Variants in NEMP2 observed in about 807,000 individuals in gnomAD.
NEMP2 encodes the protein nuclear envelope integral membrane protein 2, also known as UPF0571 transmembrane protein.
Under a neutral mutation model 54.2 loss-of-function variants are expected in NEMP2, and 53 were observed. The ratio of observed to expected loss-of-function variants is 0.98; its 90% CI spans 0.78 to 1.23. NEMP2 has a LOEUF of 1.23. Ranked by LOEUF, NEMP2 falls within the 50% of genes most tolerant of loss-of-function variation. The pLI is 0.00. For synonymous variants in NEMP2, 197 were observed against 190.3 expected (o/e 1.04, Z -0.29); for missense variants, 455 against 511.3 (o/e 0.89, Z 1.06).
At chr2:190,588,254 C>A in the NEMP2 span, among the ~76,000 whole-genome samples, 4 of 152,090 alleles carry the variant, frequency 2.6e-5, no homozygotes, top group Admixed American at 6.6e-5. The surrounding 1 kb of genome is among the most constrained non-coding windows in gnomAD (Gnocchi z 5.0). Context: ...TGTGGGGAAC[C>A]AGAGATGAGG....
At chr2:190,553,663 C>G in the NEMP2 span, among the ~76,000 whole-genome samples, 1 of 152,184 alleles carries the variant, frequency 6.6e-6, no homozygotes, top group Admixed American at 6.5e-5. Context: ...ACAAAATCTG[C>G]GTGTTGCTGA....
chr2:190,464,239 C>T, the NEMP2 span, among the ~76,000 whole-genome samples: 1 of 152,168 alleles, frequency 6.6e-6, no homozygotes, highest in Non-Finnish European at 1.5e-5. Flanking sequence ...AAACAATCTT[C>T]ATCTGGGGTC....
At chr2:190,567,505 AT>A in the NEMP2 span, among the ~76,000 whole-genome samples, 2 of 152,314 alleles carry the variant, frequency 1.3e-5, no homozygotes, top group East Asian at 3.9e-4. The surrounding 1 kb of genome is among the most constrained non-coding windows in gnomAD (Gnocchi z 4.0). Context: ...TAATGAGAGA[AT>A]CCCAAAAGCT....
chr2:190,565,995 C>T, the NEMP2 span, among the ~76,000 whole-genome samples: 1 of 148,992 alleles, frequency 6.7e-6, no homozygotes, highest in Non-Finnish European at 1.5e-5. Flanking sequence ...TCTCCCCCCA[C>T]CCCCCAACCC....
chr2:190,456,669 A>C, the NEMP2 span, among the ~76,000 whole-genome samples: 1 of 152,072 alleles, frequency 6.6e-6, no homozygotes, highest in African/African-American at 2.4e-5. The surrounding 1 kb of genome is among the most constrained non-coding windows in gnomAD (Gnocchi z 5.4). Context: ...CATCCCTGAC[A>C]AGGCAAGCAT....
rs10196596 is a variant in NEMP2, at chr2:190,528,756, A to G, written c.98-3378T>C. Among the ~76,000 whole-genome samples, 684 of 152,300 alleles carry G rather than the reference A, an allele frequency of 4.5e-3. 3 individuals carry two copies. The highest frequency in any genetic ancestry group is 0.015 in the African/African-American group (639 of 41,562). ...CTTTTGGTGGGGCCTGAGTTTTGCA[A>G]TCAAATGCTCTCTTCAAATAAGGTT... On this transcript the variant is annotated intron_variant, in intron 1 of 8. Coordinates refer to ENST00000409150, the MANE Select transcript of NEMP2 (RefSeq NM_001142645.2). This position sits in a 1 kb window ranked among gnomAD's most constrained non-coding sequence, Gnocchi z 4.3.
chr2:190,551,046 C>T, the NEMP2 span, among the ~76,000 whole-genome samples: 2 of 147,976 alleles, frequency 1.4e-5, no homozygotes, highest in Non-Finnish European at 3.0e-5. Context: ...CTTACCCTTA[C>T]AAATCACTTG....
chr2:190,424,959 C>T, the NEMP2 span, among the ~76,000 whole-genome samples: 1 of 152,142 alleles, frequency 6.6e-6, no homozygotes, highest in Non-Finnish European at 1.5e-5. The surrounding 1 kb of genome is among the most constrained non-coding windows in gnomAD (Gnocchi z 5.9). Context: ...TTGTGTTAAA[C>T]CTGTATATCA....
chr2:190,429,358 C>T, the NEMP2 span, among the ~76,000 whole-genome samples: 24 of 150,924 alleles, frequency 1.6e-4, no homozygotes, highest in Admixed American at 6.0e-4. Context: ...TGGAGTCTCA[C>T]TCTGTCGCCC....
the NEMP2 span, among the ~76,000 whole-genome samples, chr2:190,452,579 T>C: frequency 6.6e-6 from 1 of 152,196 alleles, no homozygotes; most frequent in Non-Finnish European, 1.5e-5. Context: ...TGCTACCTTA[T>C]AGCTTCATAG....
the NEMP2 span, among the ~76,000 whole-genome samples, chr2:190,623,305 T>C: frequency 1.3e-5 from 2 of 150,932 alleles, no homozygotes; most frequent in South Asian, 2.1e-4. Flanking sequence ...ATCACAGAAA[T>C]AGAAAAAAAA....
At chr2:190,631,260 T>C in the NEMP2 span, among the ~76,000 whole-genome samples, 1 of 152,142 alleles carries the variant, frequency 6.6e-6, no homozygotes, top group Non-Finnish European at 1.5e-5. Flanking sequence ...AACAGCAGGA[T>C]GATCACACAA....
At chr2:190,427,753 CAG>C in the NEMP2 span, among the ~76,000 whole-genome samples, 12 of 149,992 alleles carry the variant, frequency 8.0e-5, no homozygotes, top group African/African-American at 2.9e-4. Flanking sequence ...TTTTTTGAGA[CAG>C]AGTTTCACTC....
upstream of NEMP2, chr2:190,534,988 C>T: frequency 4.5e-6 from 1 of 221,016 alleles, no homozygotes. Context: ...CCCTGGGGAC[C>T]GCCCGGCCGT....
chr2:190,517,606 T>A lies in NEMP2; in HGVS notation c.526A>T (p.Thr176Ser). The A allele has an allele frequency of 6.5e-7, 1 of 1,548,480 alleles. No homozygotes were observed. The highest frequency in any genetic ancestry group is 8.7e-7 in the Non-Finnish European group (1 of 1,145,536). ...FYARTLSQSP[T>S]FYYSSGTVLG... is the part of the protein sequence containing the mutation. ...ACAGTTCCCGAGGAGTAATAGAAAG[T>A]AGGGCTTCTGTCAAGATAAGCAGAT... Residue 176 changes from threonine to serine, a missense_variant, in exon 5 of 9, where the codon ACT becomes TCT. Physicochemically the swap from Thr to Ser is moderately conservative, Grantham distance 58. Around this residue, in one of 3 missense-constraint regions of NEMP2, gnomAD observed 294 missense variants for 333.6 expected, o/e 0.88. Coordinates refer to ENST00000409150, the MANE Select transcript of NEMP2 (RefSeq NM_001142645.2).
chr2:190,520,689 T>C lies in NEMP2; in HGVS notation c.214-1506A>G, dbSNP rs766993442. 3.5e-4 allele frequency among the ~76,000 whole-genome samples: 53 copies of C among 152,184 alleles called. No homozygotes were observed. The highest frequency in any genetic ancestry group is 4.6e-4 in the Admixed American group (7 of 15,284). On this transcript the variant is annotated intron_variant, in intron 2 of 8. Transcript: ENST00000409150. The surrounding 1 kb of genome is among the most constrained non-coding windows in gnomAD (Gnocchi z 5.4). ...AGTTCCTGGGACTCCTTTCCTCTTA[T>C]GCTCTTGTCCTCCCTACCTCAGCTC...
In NEMP2 at chr2:190,512,182, T is replaced by C. The variant is rs1690389958; in HGVS notation, c.954-1645A>G. On this transcript the variant is annotated intron_variant, in intron 7 of 8. Transcript: ENST00000409150. This position sits in a 1 kb window ranked among gnomAD's most constrained non-coding sequence, Gnocchi z 4.5. Reference sequence around the variant, plus strand: ...ACATAGTCCTGGCTTTGAGATTTATTCACTATATGAACTTGGGGAATTCCT... The same window carrying C: ...ACATAGTCCTGGCTTTGAGATTTATCCACTATATGAACTTGGGGAATTCCT... Among the ~76,000 whole-genome samples, 1 of 152,142 alleles carries C rather than the reference T, an allele frequency of 6.6e-6. No individual in the cohort carries two copies. The highest frequency in any genetic ancestry group is 1.5e-5 in the Non-Finnish European group (1 of 68,014).
the NEMP2 span, chr2:190,625,083 G>A: frequency 2.6e-5 from 4 of 152,158 alleles, no homozygotes; most frequent in African/African-American, 4.8e-5. Context: ...TTGCCATATG[G>A]CCCAGCAATG....
chr2:190,602,612 G>A, the NEMP2 span, among the ~76,000 whole-genome samples: 1 of 152,190 alleles, frequency 6.6e-6, no homozygotes, highest in Admixed American at 6.5e-5. Context: ...TCAGTCACCA[G>A]GAATCTACCC....
Sources: allele counts gnomAD v4.1 joint callset (sites outside exome capture counted in the v4.1 genomes callset), GRCh38; gene constraint gnomAD v4.1.1; regional missense constraint gnomAD v4.1.1; non-coding constraint Gnocchi (gnomAD v3.1); transcripts MANE v1.5; gene names NCBI Gene and HGNC (gene_info 2026-07-23, HGNC 2026-07-21).